SGK1: variants seen among roughly 807,000 people sequenced by gnomAD.
SGK1 encodes the protein serine/threonine-protein kinase Sgk1.
In SGK1, 26 loss-of-function variants were observed where a neutral mutation model predicts 64.2. The ratio of observed to expected loss-of-function variants is 0.40; its 90% confidence interval spans 0.30 to 0.56. The LOEUF (loss-of-function observed/expected upper bound fraction) is 0.56. SGK1 is among the 20% of genes least tolerant of loss of function. The probability of loss-of-function intolerance (pLI) is 0.38; values close to 1 mark genes in which losing one functional copy is unlikely to be tolerated. For missense variants in SGK1, 519 were observed against 645.6 expected (o/e 0.80, Z 2.12); for synonymous variants, 265 against 239.7 (o/e 1.11, Z -0.98).
intron 9 of SGK1, 81 bp from the exon 10 acceptor site, chr6:134,172,397 G>C (rs1775058745): frequency 7.2e-7 from 1 of 1,382,658 alleles, no homozygotes. Flanking sequence ...ATTGCTAAAG[G>C]TATTAGAGGC....
chr6:134,267,262 A>T (rs1407067064), intron 1 of SGK1, among the ~76,000 whole-genome samples: 1 of 149,980 alleles, frequency 6.7e-6, no homozygotes, highest in African/African-American at 2.5e-5. Flanking sequence ...AATATGTTAC[A>T]GTCTGAATAT....
chr6:134,311,355 C>T (rs2114802685), intron 1 of SGK1, among the ~76,000 whole-genome samples: 1 of 152,200 alleles, frequency 6.6e-6, no homozygotes. Context: ...TCCTTAAAGA[C>T]CTTCCAGCCA....
chr6:134,174,963 GC>G, intron 3 of SGK1: 1 of 1,363,998 alleles, frequency 7.3e-7, no homozygotes. Context: ...CTCGCCCCTC[GC>G]CCCGCCCCGG....
chr6:134,199,777 T>C (rs929384574), intron 3 of SGK1, among the ~76,000 whole-genome samples: 1 of 152,100 alleles, frequency 6.6e-6, no homozygotes, highest in African/African-American at 2.4e-5. Context: ...TTAATTTTTG[T>C]TTGAAAGAAA....
chr6:134,224,188 T>C (rs1298710230), intron 2 of SGK1, among the ~76,000 whole-genome samples: 4 of 152,228 alleles, frequency 2.6e-5, no homozygotes, highest in Admixed American at 2.0e-4. Context: ...ATGGCAGAGA[T>C]ACAGGGTTTT....
At chr6:134,231,348 A>C (rs1411705597) in intron 2 of SGK1, among the ~76,000 whole-genome samples, 1 of 152,228 alleles carries the variant, frequency 6.6e-6, no homozygotes. Flanking sequence ...CACCCTGTAA[A>C]AAGAGAGTTA....
intron 1 of SGK1, among the ~76,000 whole-genome samples, chr6:134,313,688 GA>G (rs1349152470): frequency 1.3e-5 from 2 of 152,200 alleles, no homozygotes; most frequent in East Asian, 3.9e-4. Flanking sequence ...GAGAATTTCT[GA>G]GGTTCATTCC....
chr6:134,174,450 A>C, intron 4 of SGK1, 61 bp downstream of exon 4: 1 of 1,246,130 alleles, frequency 8.0e-7, no homozygotes, highest in Admixed American at 1.8e-5. Flanking sequence ...CGTGATGAGA[A>C]TGTTTACCGC....
chr6:134,189,730 A>AT (rs1208081483), intron 3 of SGK1, among the ~76,000 whole-genome samples: 6 of 152,236 alleles, frequency 3.9e-5, no homozygotes, highest in Non-Finnish European at 8.8e-5. Flanking sequence ...ATACCTTATT[A>AT]TATACTGACA....
chr6:134,240,055 G>T (rs545898228), intron 2 of SGK1, among the ~76,000 whole-genome samples: 21 of 152,172 alleles, frequency 1.4e-4, no homozygotes, highest in Admixed American at 2.0e-4. Context: ...ACGTTGGGGG[G>T]CCATGATGTG....
intron 1 of SGK1, among the ~76,000 whole-genome samples, chr6:134,315,748 T>C (rs576356445): frequency 6.6e-6 from 1 of 152,176 alleles, no homozygotes; most frequent in African/African-American, 2.4e-5. Context: ...TGTTTATTAT[T>C]GAAAATTAGG....
chr6:134,304,888 T>A (rs1308437706), intron 1 of SGK1, among the ~76,000 whole-genome samples: 2 of 152,204 alleles, frequency 1.3e-5, no homozygotes, highest in African/African-American at 4.8e-5. Context: ...ATATTTAAAT[T>A]TACCTTTGAG....
intron 2 of SGK1, among the ~76,000 whole-genome samples, chr6:134,224,934 C>T (rs554630245): frequency 2.7e-4 from 39 of 146,630 alleles, no homozygotes; most frequent in African/African-American, 9.1e-4. Flanking sequence ...GCAGGAGAAT[C>T]GCTTGAACCT....
intron 2 of SGK1, chr6:134,257,245 G>A (rs958235536): frequency 6.6e-6 from 1 of 152,312 alleles, no homozygotes; most frequent in African/African-American, 2.4e-5. Flanking sequence ...TGACCAACAT[G>A]GAGAAACCCT....
intron 10 of SGK1, chr6:134,171,965 G>A: frequency 1.5e-6 from 1 of 653,424 alleles, no homozygotes; most frequent in Non-Finnish European, 2.6e-6. Flanking sequence ...GATTTAGAAA[G>A]TTTTTATGAT....
chr6:134,237,776 G>A lies in SGK1; in HGVS notation c.285+24157C>T, dbSNP rs149790232. 5.3e-3 allele frequency among the ~76,000 whole-genome samples: 800 copies of A among 152,018 alleles called. 5 individuals carry two copies. The highest frequency in any genetic ancestry group is 0.014 in the African/African-American group (579 of 41,460). ...TTTCTTTTGTAGCTTTGTTTTTTCCGTCCTATTGCATAGTCTGGCTTCACT... is the reference window on the plus strand; with the variant it reads ...TTTCTTTTGTAGCTTTGTTTTTTCCATCCTATTGCATAGTCTGGCTTCACT... On this transcript the variant is annotated intron_variant, in intron 2 of 13. Transcript: ENST00000367858.
intron 2 of SGK1, among the ~76,000 whole-genome samples, chr6:134,251,792 T>C (rs1776609572): frequency 6.6e-6 from 1 of 152,212 alleles, no homozygotes; most frequent in Admixed American, 6.5e-5. Context: ...TTTTACTCTG[T>C]CACCCAGGCT....
chr6:134,171,837 A>T, intron 10 of SGK1, 105 bp from the exon 11 acceptor site: 1 of 732,316 alleles, frequency 1.4e-6, no homozygotes, highest in Non-Finnish European at 2.3e-6. Flanking sequence ...GCCAGCTTGG[A>T]AGATAGATAT....
chr6:134,174,756 T>G, intron 3 of SGK1, 170 bp from the exon 4 acceptor site: 7 of 1,614,070 alleles, frequency 4.3e-6, no homozygotes, highest in Non-Finnish European at 5.9e-6. Flanking sequence ...ACCATGCCCC[T>G]CATCCTGGAG....
Sources: gnomAD v4.1 joint callset for allele counts (sites outside exome capture counted in the v4.1 genomes callset) on GRCh38, gnomAD v4.1.1 for gene constraint, MANE v1.5 for transcripts, NCBI Gene and HGNC (gene_info 2026-07-23, HGNC 2026-07-21) for gene names.